The following SLC35F2 variants were observed in gnomAD, a reference collection of about 807,000 sequenced individuals.
SLC35F2 encodes the protein solute carrier family 35 member F2.
SLC35F2 carries 25 observed loss-of-function variants against 38.1 expected under a neutral mutation model. That is an observed-to-expected ratio of 0.66 (90% CI 0.48 to 0.92). The LOEUF is 0.92. Among genes scored for constraint, SLC35F2 ranks in the 40% least tolerant of loss-of-function variants. The pLI, the probability that SLC35F2 is intolerant of heterozygous loss-of-function variation, is 0.00. For missense variants in SLC35F2, 409 were observed against 452.9 expected (o/e 0.90, Z 0.88); for synonymous variants, 173 against 181.7 (o/e 0.95, Z 0.38).
rs11371777 is a variant in SLC35F2 at position 107,792,161 on chromosome 11, C to CAAAAAA, written c.*448_*453dup. 1.3e-5 allele frequency: 1 copy of CAAAAAA among 78,094 alleles called. No homozygotes were observed. Among genetic ancestry groups the CAAAAAA allele is most frequent in the East Asian group, 4.1e-4 (1 of 2,456 alleles). 4.8% of individuals were successfully genotyped at this position (78,094 alleles called of 1,614,324 possible). On this transcript the variant is annotated 3_prime_UTR_variant, in exon 8 of 8. Transcript: ENST00000525815. Reference sequence around the variant, plus strand: ...GGCCTGTGGACAATAACTGCCTCAGCAAAAAAAAAAAAAAAAAAAAACCTT... The same window carrying CAAAAAA: ...GGCCTGTGGACAATAACTGCCTCAGCAAAAAAAAAAAAAAAAAAAAAAAAAAACCTT...
intron 2 of SLC35F2, among the ~76,000 whole-genome samples, chr11:107,814,022 A>T (rs1213230123): frequency 1.3e-5 from 2 of 152,032 alleles, no homozygotes; most frequent in Admixed American, 1.3e-4. Flanking sequence ...AAATTACTCT[A>T]ATTTCCTAAG....
At chr11:107,853,433 A>G (rs1466522170) in intron 1 of SLC35F2, among the ~76,000 whole-genome samples, 1 of 152,042 alleles carries the variant, frequency 6.6e-6, no homozygotes, top group East Asian at 1.9e-4. Flanking sequence ...GAAAGAATCA[A>G]TGAGGCCGGG....
intron 1 of SLC35F2, 156 bp from the exon 2 acceptor site, chr11:107,816,121 T>C (rs1334188932): frequency 2.0e-6 from 2 of 985,074 alleles, no homozygotes; most frequent in Admixed American, 6.2e-5. Flanking sequence ...AAAATTAAAA[T>C]GTTAGTTACT....
At chr11:107,807,580 A>AT (rs71047628) in intron 3 of SLC35F2, among the ~76,000 whole-genome samples, 63,168 of 147,166 alleles carry the variant, frequency 0.43, 14,141 homozygotes, top group Non-Finnish European at 0.51. Flanking sequence ...TATTATTATT[A>AT]TTTTTTTTTT....
intron 1 of SLC35F2, among the ~76,000 whole-genome samples, chr11:107,850,492 C>T (rs1860162408): frequency 6.6e-6 from 1 of 151,890 alleles, no homozygotes; most frequent in African/African-American, 2.4e-5. Context: ...TTGGGTGGGG[C>T]CAGGTATCTA....
At chr11:107,819,246 GT>G (rs1459060988) in intron 1 of SLC35F2, among the ~76,000 whole-genome samples, 1 of 152,142 alleles carries the variant, frequency 6.6e-6, no homozygotes, top group African/African-American at 2.4e-5. Context: ...CTTCAGTTTC[GT>G]TTTCCTAGAT....
At chr11:107,796,648 G>C (rs1859221500) in intron 7 of SLC35F2, among the ~76,000 whole-genome samples, 1 of 151,986 alleles carries the variant, frequency 6.6e-6, no homozygotes, top group Non-Finnish European at 1.5e-5. Context: ...GGGGGTGGGA[G>C]ATAAAGAGAG....
At chr11:107,834,519 G>A (rs553318700) in intron 1 of SLC35F2, among the ~76,000 whole-genome samples, 2 of 152,074 alleles carry the variant, frequency 1.3e-5, no homozygotes, top group South Asian at 2.1e-4. Flanking sequence ...GTGTGGTGGC[G>A]CATGTCTGTA....
chr11:107,816,059 A>ACAC, intron 1 of SLC35F2, 94 bp from the exon 2 acceptor site: 11 of 1,290,768 alleles, frequency 8.5e-6, no homozygotes, highest in Admixed American at 7.2e-5. Context: ...CACACTGCTA[A>ACAC]ACACAAAGGG....
rs972971508 is a variant in SLC35F2, at chr11:107,806,834, A to G, written c.457T>C (p.Trp153Arg). 6.2e-7 allele frequency: 1 copy of G among 1,614,152 alleles called. No homozygotes were observed. Among genetic ancestry groups the G allele is most frequent in the Non-Finnish European group, 8.5e-7 (1 of 1,179,982 alleles). The change falls in exon 4 of 8, where the codon TGG (tryptophan) becomes CGG (arginine). Residue 153 changes from tryptophan to arginine, a missense_variant. Transcript: ENST00000525815. Reference sequence around the variant, plus strand: ...CTGTATCTTGCATGAAGAATAAACCATGACAGAGCCATCAACACAGGAATC... The same window carrying G: ...CTGTATCTTGCATGAAGAATAAACCGTGACAGAGCCATCAACACAGGAATC... ...FGIPVLMALS[W>R]FILHARYRVI...
At chr11:107,823,349 CT>C (rs1457144812) in intron 1 of SLC35F2, 7 of 390,386 alleles carry the variant, frequency 1.8e-5, no homozygotes, top group Middle Eastern at 1.3e-3. Flanking sequence ...CTCAATAAAT[CT>C]GTGCTGCTAG....
chr11:107,801,253 C>T (rs1004066344), intron 7 of SLC35F2, among the ~76,000 whole-genome samples: 9 of 152,084 alleles, frequency 5.9e-5, no homozygotes, highest in Non-Finnish European at 1.0e-4. Flanking sequence ...TTGCCCATTT[C>T]GCTTTCATCG....
intron 1 of SLC35F2, among the ~76,000 whole-genome samples, chr11:107,817,122 A>G (rs748591627): frequency 2.0e-5 from 3 of 152,030 alleles, no homozygotes; most frequent in Non-Finnish European, 2.9e-5. Context: ...CTAAAACTAC[A>G]AACATTAGCG....
chr11:107,807,233 G>A (rs1290903347), intron 3 of SLC35F2, among the ~76,000 whole-genome samples: 12 of 141,782 alleles, frequency 8.5e-5, no homozygotes, highest in Non-Finnish European at 1.4e-4. Context: ...CCAGGAGTTC[G>A]ATATCAGCCT....
At chr11:107,847,320 G>C (rs1860116147) in intron 1 of SLC35F2, among the ~76,000 whole-genome samples, 2 of 152,026 alleles carry the variant, frequency 1.3e-5, no homozygotes, top group African/African-American at 4.8e-5. Flanking sequence ...CAAAGTGCTG[G>C]GATCACACCC....
chr11:107,852,967 T>G (rs1444036175), intron 1 of SLC35F2, among the ~76,000 whole-genome samples: 1 of 151,366 alleles, frequency 6.6e-6, no homozygotes, highest in Non-Finnish European at 1.5e-5. Flanking sequence ...TCGCTTGAAC[T>G]CAGGAGATCA....
At chr11:107,794,509 A>AT (rs374127729) in intron 7 of SLC35F2, among the ~76,000 whole-genome samples, 145 of 152,252 alleles carry the variant, frequency 9.5e-4, no homozygotes, top group African/African-American at 3.3e-3. Flanking sequence ...CCAGGGCCTT[A>AT]TTTTTCCTTT....
At chr11:107,850,825 AAAAG>A (rs946693615) in intron 1 of SLC35F2, among the ~76,000 whole-genome samples, 1 of 152,086 alleles carries the variant, frequency 6.6e-6, no homozygotes, top group African/African-American at 2.4e-5. Flanking sequence ...AAAAAAAAAA[AAAAG>A]AATTAGTCAA....
At chr11:107,812,189 A>G (rs1018196830) in intron 2 of SLC35F2, among the ~76,000 whole-genome samples, 1 of 152,176 alleles carries the variant, frequency 6.6e-6, no homozygotes, top group African/African-American at 2.4e-5. Flanking sequence ...TTCAGGCGTG[A>G]GCTACCACGC....
Sources: allele counts gnomAD v4.1 joint callset (sites outside exome capture counted in the v4.1 genomes callset), GRCh38; gene constraint gnomAD v4.1.1; transcripts MANE v1.5; gene names NCBI Gene and HGNC (gene_info 2026-07-23, HGNC 2026-07-21).